CHD9NB: variants seen among roughly 807,000 people sequenced by gnomAD.
CHD9NB encodes the protein CHD9 neighbor protein.
chr16:53,051,324 A>G, the CHD9NB span, among the ~76,000 whole-genome samples: 1 of 152,190 alleles, frequency 6.6e-6, no homozygotes, highest in South Asian at 2.1e-4. Flanking sequence ...TTCCCTTTGA[A>G]GAAAAGGGTG....
chr16:53,046,342 G>A, the CHD9NB span, among the ~76,000 whole-genome samples: 1 of 152,004 alleles, frequency 6.6e-6, no homozygotes, highest in Non-Finnish European at 1.5e-5. Flanking sequence ...AAGGTCCATG[G>A]GATTAGGTGA....
chr16:53,039,472 G>A, the CHD9NB span, among the ~76,000 whole-genome samples: 1 of 152,128 alleles, frequency 6.6e-6, no homozygotes, highest in Non-Finnish European at 1.5e-5. Context: ...AAGGCTGGGC[G>A]CAGTGGCTCA....
chr16:53,047,673 T>G, the CHD9NB span, among the ~76,000 whole-genome samples: 1 of 152,150 alleles, frequency 6.6e-6, no homozygotes, highest in Non-Finnish European at 1.5e-5. Flanking sequence ...CCAAATATAG[T>G]CACATTGGAG....
chr16:53,037,240 G>T, the CHD9NB span, among the ~76,000 whole-genome samples: 2 of 152,100 alleles, frequency 1.3e-5, no homozygotes, highest in Admixed American at 1.3e-4. Context: ...GGCCTCAAAT[G>T]CTTTAAAATT....
the CHD9NB span, among the ~76,000 whole-genome samples, chr16:53,041,396 G>C: frequency 5.3e-5 from 8 of 152,230 alleles, no homozygotes; most frequent in African/African-American, 1.9e-4. Context: ...TTCTGTTAGA[G>C]ATTAACTTCC....
the CHD9NB span, among the ~76,000 whole-genome samples, chr16:53,052,196 T>TA: frequency 0.1 from 8,305 of 83,416 alleles, 316 homozygotes; most frequent in African/African-American, 0.16. Context: ...CTGAGCAACA[T>TA]AAAAAAAAAA....
At chr16:53,037,074 T>C in the CHD9NB span, among the ~76,000 whole-genome samples, 1 of 152,098 alleles carries the variant, frequency 6.6e-6, no homozygotes, top group Non-Finnish European at 1.5e-5. Context: ...TAGCTGGGAT[T>C]ACAGGCACAC....
the CHD9NB span, among the ~76,000 whole-genome samples, chr16:53,050,727 G>A: frequency 6.6e-6 from 1 of 152,040 alleles, no homozygotes; most frequent in Non-Finnish European, 1.5e-5. Flanking sequence ...ACAAGACCAA[G>A]TGTCCTTCTG....
At chr16:53,035,876 G>T in the CHD9NB span, 1 of 151,742 alleles carries the variant, frequency 6.6e-6, no homozygotes, top group Admixed American at 6.6e-5. Context: ...GAGGTGGGAG[G>T]ATGACTTGTG....
the CHD9NB span, among the ~76,000 whole-genome samples, chr16:53,048,332 G>A: frequency 1.3e-5 from 2 of 152,136 alleles, no homozygotes; most frequent in African/African-American, 2.4e-5. Context: ...TGGAATCTGG[G>A]AGGTGGAAGA....
At chr16:53,052,760 C>CCATG in the CHD9NB span, 2 of 153,286 alleles carry the variant, frequency 1.3e-5, no homozygotes, top group African/African-American at 4.8e-5. Flanking sequence ...CTGGTACTTA[C>CCATG]CATGGGCAGT....
At chr16:53,050,002 G>A in the CHD9NB span, among the ~76,000 whole-genome samples, 1 of 152,132 alleles carries the variant, frequency 6.6e-6, no homozygotes, top group Non-Finnish European at 1.5e-5. Context: ...TCAGGAGTTC[G>A]AGACCAGCCT....
At chr16:53,037,889 A>G in the CHD9NB span, among the ~76,000 whole-genome samples, 1 of 152,210 alleles carries the variant, frequency 6.6e-6, no homozygotes, top group South Asian at 2.1e-4. Flanking sequence ...CCTCCAGAGA[A>G]ACAGAACCAA....
chr16:53,040,518 C>T, the CHD9NB span, among the ~76,000 whole-genome samples: 1 of 152,282 alleles, frequency 6.6e-6, no homozygotes, highest in East Asian at 1.9e-4. Context: ...AATAACCATC[C>T]TCTTTGTCTA....
chr16:53,052,416 G>A, the CHD9NB span, among the ~76,000 whole-genome samples: 5 of 151,990 alleles, frequency 3.3e-5, no homozygotes, highest in Admixed American at 6.6e-5. Context: ...TGTCTAACAC[G>A]TTATAAATAT....
At chr16:53,037,910 C>T in the CHD9NB span, among the ~76,000 whole-genome samples, 2 of 152,094 alleles carry the variant, frequency 1.3e-5, no homozygotes, top group East Asian at 1.9e-4. Context: ...CAGAATATAT[C>T]GAGATATATA....
the CHD9NB span, among the ~76,000 whole-genome samples, chr16:53,052,229 T>TA: frequency 2.8e-4 from 41 of 145,282 alleles, no homozygotes; most frequent in South Asian, 2.8e-3. Context: ...CCCCATCTCT[T>TA]AAAAAAAAAA....
chr16:53,036,726 C>G, the CHD9NB span, among the ~76,000 whole-genome samples: 1 of 152,220 alleles, frequency 6.6e-6, no homozygotes, highest in Non-Finnish European at 1.5e-5. Flanking sequence ...GGCTAGACAC[C>G]AAAACTCATA....
At chr16:53,050,673 T>C in the CHD9NB span, among the ~76,000 whole-genome samples, 1 of 151,736 alleles carries the variant, frequency 6.6e-6, no homozygotes, top group Non-Finnish European at 1.5e-5. Context: ...AGACACACTG[T>C]GACCTCAAGA....
Sources: allele counts gnomAD v4.1 joint callset (sites outside exome capture counted in the v4.1 genomes callset), GRCh38; gene constraint gnomAD v4.1.1; transcripts MANE v1.5; gene names NCBI Gene and HGNC (gene_info 2026-07-23, HGNC 2026-07-21).